The following HYDIN variants were observed in gnomAD, a reference collection of about 807,000 sequenced individuals.
HYDIN encodes the protein HYDIN axonemal central pair apparatus protein.
A neutral mutation model predicts 403.9 loss-of-function variants in HYDIN; 132 were observed. The observed-to-expected ratio is 0.33, with a 90% confidence interval of 0.28 to 0.38. The LOEUF is 0.38. Ranked by LOEUF, HYDIN falls within the 10% of genes least tolerant of loss-of-function variation. The probability of loss-of-function intolerance (pLI) is 1.00; values close to 1 mark genes in which losing one functional copy is unlikely to be tolerated. For synonymous variants in HYDIN, 1,202 were observed against 1,891.7 expected (o/e 0.64, Z 9.46); for missense variants, 2,827 against 5,009.5 (o/e 0.56, Z 13.15).
chr16:71,027,069 G>C (rs1027182040), intron 20 of HYDIN: 1 of 877,592 alleles, frequency 1.1e-6, no homozygotes, highest in African/African-American at 1.8e-5. Flanking sequence ...TTTACGTAGA[G>C]TGTATGGAGA....
chr16:71,191,466 T>TA (rs917155282), intron 1 of HYDIN, among the ~76,000 whole-genome samples: 1,580 of 150,128 alleles, frequency 0.011, 28 homozygotes, highest in African/African-American at 0.037. Context: ...CCCCAGAACT[T>TA]AAAAAAAAAA....
At chr16:71,184,350 G>T (rs1212378515) in intron 3 of HYDIN, among the ~76,000 whole-genome samples, 1 of 152,048 alleles carries the variant, frequency 6.6e-6, no homozygotes, top group African/African-American at 2.4e-5. Context: ...ATAATCACAT[G>T]CTCCTAAAGC....
At chr16:71,196,839 G>A (rs112035441) in intron 1 of HYDIN, among the ~76,000 whole-genome samples, 1 of 152,182 alleles carries the variant, frequency 6.6e-6, no homozygotes, top group Non-Finnish European at 1.5e-5. Context: ...GTTTACAAAT[G>A]CCATGTCAAT....
chr16:71,101,845 T>C (rs1210436599), intron 10 of HYDIN, among the ~76,000 whole-genome samples: 1 of 152,122 alleles, frequency 6.6e-6, no homozygotes, highest in Non-Finnish European at 1.5e-5. Context: ...CCTGGGGATA[T>C]ATCCTAGAAA....
intron 83 of HYDIN, among the ~76,000 whole-genome samples, chr16:70,819,406 T>A (rs1170277229): frequency 6.6e-6 from 1 of 151,994 alleles, no homozygotes; most frequent in Non-Finnish European, 1.5e-5. Context: ...TAATTTAATT[T>A]AATTTTTATT....
chr16:71,098,188 G>C (rs1368227070), intron 10 of HYDIN, among the ~76,000 whole-genome samples: 1 of 147,444 alleles, frequency 6.8e-6, no homozygotes, highest in South Asian at 2.1e-4. Flanking sequence ...CTAAACTATA[G>C]ATAAAACTTT....
chr16:70,808,879 T>C (rs1404125735), intron 85 of HYDIN, among the ~76,000 whole-genome samples: 1 of 152,188 alleles, frequency 6.6e-6, no homozygotes, highest in Non-Finnish European at 1.5e-5. Flanking sequence ...GGCTGGAATG[T>C]GGATGTCCTG....
chr16:71,181,496 C>T (rs963606907), intron 3 of HYDIN, among the ~76,000 whole-genome samples: 1 of 152,052 alleles, frequency 6.6e-6, no homozygotes, highest in Non-Finnish European at 1.5e-5. Context: ...GGTAACACAG[C>T]TAATCTACTT....
chr16:70,947,130 G>T (rs987577942), intron 41 of HYDIN, among the ~76,000 whole-genome samples: 1 of 148,916 alleles, frequency 6.7e-6, no homozygotes, highest in Non-Finnish European at 1.5e-5. Context: ...TTTTCAAAGG[G>T]AATGCTTCCA....
chr16:71,215,025 T>C (rs896380050), intron 1 of HYDIN, among the ~76,000 whole-genome samples: 4 of 152,206 alleles, frequency 2.6e-5, no homozygotes, highest in African/African-American at 9.7e-5. Context: ...ATAGACAAGA[T>C]GAGCCTGAAA....
chr16:71,000,157 C>T (rs1182247720), intron 23 of HYDIN, among the ~76,000 whole-genome samples: 3 of 151,952 alleles, frequency 2.0e-5, no homozygotes, highest in East Asian at 3.9e-4. Context: ...GCCCTTTTTA[C>T]GAACATCACT....
chr16:71,113,869 T>C (rs1468289032), intron 10 of HYDIN: 5 of 152,160 alleles, frequency 3.3e-5, no homozygotes, highest in Non-Finnish European at 7.3e-5. Flanking sequence ...GCTGGGATTA[T>C]AGCCGGAAGT....
rs2037305082 is a variant in HYDIN at position 70,834,978 on chromosome 16, A to ATATATATATATACACACATATATGTGTG, written c.13401+697_13401+698insCACACATATATGTGTGTATATATATATA. On this transcript the variant is annotated intron_variant, in intron 78 of 85. Coordinates refer to ENST00000393567, the MANE Select transcript of HYDIN (RefSeq NM_001270974.2). The stretch of plus-strand genomic sequence containing the variant: ...TATATATACACACATATATGTGTGT[A>ATATATATATATACACACATATATGTGTG]TATATATATATATACACACATATAT... 6.6e-5 allele frequency among the ~76,000 whole-genome samples: 6 copies of ATATATATATATACACACATATATGTGTG among 91,296 alleles called. No homozygotes were observed. The African/African-American group carries it at 7.5e-4, about 11-fold the overall frequency. 59.9% of individuals were successfully genotyped at this position (91,296 alleles called of 152,430 possible). A position where few individuals can be genotyped will look rare whatever the true frequency, so the allele number is the denominator to read the frequency against.
intron 10 of HYDIN, among the ~76,000 whole-genome samples, chr16:71,108,036 A>C (rs1181979693): frequency 6.6e-6 from 1 of 152,182 alleles, no homozygotes; most frequent in Non-Finnish European, 1.5e-5. Context: ...ATGAAGCTGG[A>C]GGCCATCATC....
At position 70,904,051 on chromosome 16, in the gene HYDIN, AG is replaced by A; in HGVS notation, c.8529del (p.Leu2844TyrfsTer9). 6.4e-7 allele frequency: 1 copy of A among 1,574,386 alleles called. No homozygotes were observed. The highest frequency in any genetic ancestry group is 8.6e-7 in the Non-Finnish European group (1 of 1,163,504). On this transcript the variant is annotated frameshift_variant, in exon 51 of 86. Transcript: ENST00000393567. LOFTEE classifies it high-confidence loss of function. ...AGCGTCTCCATGTTGCCTGGGAATA[AG>A]GATGACTTGTACCTGGGGATGAACA... ...CGKSRDKYKS[S>X]LFPGNMETLT...
chr16:71,183,715 G>C (rs1383609251), intron 3 of HYDIN, among the ~76,000 whole-genome samples: 2 of 152,026 alleles, frequency 1.3e-5, no homozygotes, highest in Admixed American at 6.6e-5. Context: ...ATAAAACAAA[G>C]AAATACAGTC....
At chr16:71,208,683 G>T (rs2088424208) in intron 1 of HYDIN, among the ~76,000 whole-genome samples, 2 of 151,880 alleles carry the variant, frequency 1.3e-5, no homozygotes, top group African/African-American at 4.8e-5. Context: ...AGAAAAGAGA[G>T]AAGATCCAAA....
chr16:71,098,233 G>A (rs1489377722), intron 10 of HYDIN, among the ~76,000 whole-genome samples: 6 of 139,722 alleles, frequency 4.3e-5, no homozygotes, highest in African/African-American at 1.1e-4. Flanking sequence ...ATGGAGTCTC[G>A]CTCTGTCACC....
At chr16:71,063,439 T>C (rs1052727045) in intron 16 of HYDIN, among the ~76,000 whole-genome samples, 1 of 152,278 alleles carries the variant, frequency 6.6e-6, no homozygotes, top group African/African-American at 2.4e-5. Context: ...ATACTAAGTA[T>C]CTTGAGTGTT....
Sources: gnomAD v4.1 joint callset for allele counts (sites outside exome capture counted in the v4.1 genomes callset) on GRCh38, gnomAD v4.1.1 for gene constraint, MANE v1.5 for transcripts, NCBI Gene and HGNC (gene_info 2026-07-23, HGNC 2026-07-21) for gene names.